Variants in MARCHF4 observed in about 807,000 individuals in gnomAD.
MARCHF4 encodes the protein membrane associated ring-CH-type finger 4.
In MARCHF4, 14 loss-of-function variants were observed where a neutral mutation model predicts 43.9. The observed-to-expected ratio is 0.32, with a 90% CI of 0.21 to 0.50. The LOEUF (loss-of-function observed/expected upper bound fraction) is 0.50, where lower values mean the gene tolerates loss of function less well. Ranked by LOEUF, MARCHF4 falls within the 20% of genes least tolerant of loss-of-function variation. MARCHF4 has a pLI of 0.98. For missense variants in MARCHF4, 468 were observed against 536.7 expected (o/e 0.87, Z 1.27); for synonymous variants, 226 against 213.3 (o/e 1.06, Z -0.52).
intron 1 of MARCHF4, among the ~76,000 whole-genome samples, chr2:216,347,397 A>T (rs929608024): frequency 6.6e-6 from 1 of 152,242 alleles, no homozygotes; most frequent in African/African-American, 2.4e-5. Context: ...ACAAAGGCTT[A>T]GTAATCCAGG....
chr2:216,300,661 C>T (rs187269780), intron 1 of MARCHF4, among the ~76,000 whole-genome samples: 52 of 152,164 alleles, frequency 3.4e-4, no homozygotes, highest in African/African-American at 1.2e-3. Flanking sequence ...ATGCATCATT[C>T]TTATACATTA....
intron 1 of MARCHF4, among the ~76,000 whole-genome samples, chr2:216,289,233 A>AT (rs1553516262): frequency 9.7e-6 from 1 of 102,602 alleles, no homozygotes; most frequent in Non-Finnish European, 2.0e-5. Flanking sequence ...TTTCTTCCCC[A>AT]CCCGCCCCCC....
intron 1 of MARCHF4, among the ~76,000 whole-genome samples, chr2:216,353,284 C>G (rs2105980305): frequency 6.6e-6 from 1 of 152,358 alleles, no homozygotes; most frequent in Non-Finnish European, 1.5e-5. Context: ...TAACCATAAA[C>G]TCCCACCCAT....
rs545222863 is a variant in MARCHF4 at position 216,324,307 on chromosome 2, A to T, written c.517-40578T>A. On this transcript the variant is annotated intron_variant, in intron 1 of 3. Coordinates refer to ENST00000273067, the MANE Select transcript of MARCHF4 (RefSeq NM_020814.3). ...GAATAGACCAATAACAGGAGCTGAAATTGTGGCAATAATCAATAGCTTACC... is the reference window on the plus strand; with the variant it reads ...GAATAGACCAATAACAGGAGCTGAATTTGTGGCAATAATCAATAGCTTACC... 6.5e-3 allele frequency among the ~76,000 whole-genome samples: 963 copies of T among 147,170 alleles called. 8 individuals are homozygous for T. The highest frequency in any genetic ancestry group is 0.023 in the African/African-American group (892 of 39,634).
rs1160561341 is a variant in MARCHF4 at position 216,283,745 on chromosome 2, A to T, written c.517-16T>A. On this transcript the variant is annotated splice_polypyrimidine_tract_variant and intron_variant, in intron 1 of 3. Transcript: ENST00000273067. ...GCAGCTCCCCCTGCAGGGAGAGAGC[A>T]CAGGGTGATGAGGCTGAGACCTACA... 5.7e-6 allele frequency: 9 copies of T among 1,591,228 alleles called. No homozygotes were observed. The highest frequency in any genetic ancestry group is 7.7e-6 in the Non-Finnish European group (9 of 1,163,410).
At chr2:216,262,774 A>G (rs1347260643) in intron 3 of MARCHF4, among the ~76,000 whole-genome samples, 1 of 152,234 alleles carries the variant, frequency 6.6e-6, no homozygotes, top group Non-Finnish European at 1.5e-5. Context: ...ATATATTTTA[A>G]CATCATCATT....
intron 1 of MARCHF4, among the ~76,000 whole-genome samples, chr2:216,331,813 A>T (rs750901773): frequency 7.2e-5 from 11 of 152,220 alleles, no homozygotes; most frequent in Non-Finnish European, 1.6e-4. Flanking sequence ...CTCAGACTAA[A>T]AGAGAATTTC....
At chr2:216,331,599 T>C (rs1035570725) in intron 1 of MARCHF4, among the ~76,000 whole-genome samples, 2 of 152,086 alleles carry the variant, frequency 1.3e-5, no homozygotes, top group Non-Finnish European at 2.9e-5. Context: ...ATCAGCAAAT[T>C]GAATCCAATG....
intron 1 of MARCHF4, among the ~76,000 whole-genome samples, chr2:216,326,702 A>G (rs889684216): frequency 6.6e-5 from 10 of 152,232 alleles, no homozygotes; most frequent in African/African-American, 1.7e-4. Context: ...TCAGTAAACT[A>G]TCGCAAGAAC....
intron 3 of MARCHF4, among the ~76,000 whole-genome samples, chr2:216,262,606 G>A (rs1394084688): frequency 6.6e-6 from 1 of 152,120 alleles, no homozygotes; most frequent in Admixed American, 6.5e-5. Flanking sequence ...AGATTTTGGA[G>A]GTGGTGTGGT....
intron 1 of MARCHF4, among the ~76,000 whole-genome samples, chr2:216,369,230 G>A (rs1027838503): frequency 1.3e-5 from 2 of 152,120 alleles, no homozygotes; most frequent in African/African-American, 4.8e-5. Flanking sequence ...GGATGTCAAC[G>A]TGATATGAAA....
intron 1 of MARCHF4, among the ~76,000 whole-genome samples, chr2:216,298,754 G>C (rs928423123): frequency 6.6e-6 from 1 of 152,076 alleles, no homozygotes; most frequent in Non-Finnish European, 1.5e-5. Flanking sequence ...CCCTAAATCA[G>C]GAACATAATG....
At chr2:216,337,676 G>A (rs1176508858) in intron 1 of MARCHF4, among the ~76,000 whole-genome samples, 3 of 152,134 alleles carry the variant, frequency 2.0e-5, no homozygotes, top group Non-Finnish European at 4.4e-5. Flanking sequence ...CCAAGTCTTC[G>A]TGTTTCTCAT....
intron 2 of MARCHF4, among the ~76,000 whole-genome samples, chr2:216,281,511 C>T (rs1691127641): frequency 6.6e-6 from 1 of 152,212 alleles, no homozygotes; most frequent in South Asian, 2.1e-4. Context: ...CCAGCTCCAT[C>T]CTACACTGCA....
chr2:216,300,027 C>T (rs978201912), intron 1 of MARCHF4, among the ~76,000 whole-genome samples: 3 of 152,144 alleles, frequency 2.0e-5, no homozygotes, highest in Admixed American at 1.3e-4. Flanking sequence ...TGGCTTACTT[C>T]GGAGTCAGTG....
At chr2:216,346,393 CA>C (rs1159007873) in intron 1 of MARCHF4, among the ~76,000 whole-genome samples, 6 of 151,978 alleles carry the variant, frequency 3.9e-5, no homozygotes, top group African/African-American at 7.3e-5. Context: ...AATGTTGGTT[CA>C]TTCATTCAAC....
In MARCHF4 at chr2:216,371,164, T is replaced by C. The variant is rs994217666; in HGVS notation, c.-904A>G. On this transcript the variant is annotated 5_prime_UTR_variant, in exon 1 of 4. Transcript: ENST00000273067. ...GCCTCCTTCCTGAGCATGAAGATCC[T>C]GGCTAGAGGAAGGGTGTGTGTACCG... is the stretch of plus-strand genomic sequence containing the variant. 1 of 152,380 alleles carries C rather than the reference T, an allele frequency of 6.6e-6. No homozygotes were observed. The highest frequency in any genetic ancestry group is 6.5e-5 in the Admixed American group (1 of 15,278). The allele number at this position is 152,380 out of a possible 1,614,324, so 9.4% of individuals were successfully genotyped here.
At chr2:216,366,233 G>C (rs1411587222) in intron 1 of MARCHF4, among the ~76,000 whole-genome samples, 1 of 152,166 alleles carries the variant, frequency 6.6e-6, no homozygotes, top group Non-Finnish European at 1.5e-5. Context: ...ACACAGGCAG[G>C]CTATATAACT....
Position 216,338,152 on chromosome 2 carries a change from C to G in MARCHF4, c.516+31593G>C, listed in dbSNP as rs529172268. Among the ~76,000 whole-genome samples the G allele has an allele frequency of 2.6e-5, 4 of 152,252 alleles. No homozygotes were observed. The East Asian group carries it at 7.7e-4, about 29-fold the overall frequency. On this transcript the variant is annotated intron_variant, in intron 1 of 3. Transcript: ENST00000273067. ...TATGTGCCTTATGTCATATAATTCT[C>G]CCAGCAATCATACCAAGCATCCTCT...
Sources: gnomAD v4.1 joint callset for allele counts (sites outside exome capture counted in the v4.1 genomes callset) on GRCh38, gnomAD v4.1.1 for gene constraint, MANE v1.5 for transcripts, NCBI Gene and HGNC (gene_info 2026-07-23, HGNC 2026-07-21) for gene names.